The following INF2 variants were observed in gnomAD, a reference collection of about 807,000 sequenced individuals.
INF2 encodes the protein inverted formin 2.
INF2 carries 43 observed loss-of-function variants against 123.5 expected under a neutral mutation model. The ratio of observed to expected loss-of-function variants is 0.35; its 90% CI spans 0.27 to 0.45. The LOEUF is 0.45. Ranked by LOEUF, INF2 falls within the 20% of genes least tolerant of loss-of-function variation. INF2 has a pLI of 1.00. For synonymous variants in INF2, 851 were observed against 745.0 expected, an observed-to-expected ratio of 1.14 and a Z score of -2.32; for missense variants, 1,453 against 1,682.7, an observed-to-expected ratio of 0.86 and a Z score of 2.39.
intron 8 of INF2, 94 bp downstream of exon 8, chr14:104,708,096 C>G: frequency 2.6e-6 from 4 of 1,563,886 alleles, no homozygotes; most frequent in Non-Finnish European, 3.5e-6. Context: ...AACTTGTGTG[C>G]GCGTCCTGCC....
At chr14:104,688,963 G>A (rs1447328450), upstream of INF2, among the ~76,000 whole-genome samples, 1 of 152,230 alleles carries the variant, frequency 6.6e-6, no homozygotes, top group East Asian at 1.9e-4. Context: ...GACAGCAGAG[G>A]GGTGGCAGAG....
rs765727524 is a variant in INF2 at position 104,718,831 on chromosome 14, C to G, written c.*38C>G. On this transcript the variant is annotated 3_prime_UTR_variant, in exon 23 of 23. Transcript: ENST00000392634. Reference sequence around the variant, plus strand: ...AGGCCCAAGGCCAAGTGAGAGAGCCCAGGCCACAGGACATGCTGCCATTCT... The same window carrying G: ...AGGCCCAAGGCCAAGTGAGAGAGCCGAGGCCACAGGACATGCTGCCATTCT... 2.9e-5 allele frequency: 47 copies of G among 1,612,348 alleles called. No individual in the cohort carries two copies. In the African/African-American group the frequency reaches 5.5e-4, roughly 19 times the overall value.
chr14:104,682,300 A>C, intron 1 of INF2, among the ~76,000 whole-genome samples: 1 of 151,814 alleles, frequency 6.6e-6, no homozygotes, highest in Non-Finnish European at 1.5e-5. Context: ...TTAGCGGGGA[A>C]GTGCTGGCCT....
At chr14:104,709,457 C>T in intron 11 of INF2, 74 bp downstream of exon 11, 1 of 1,360,244 alleles carries the variant, frequency 7.4e-7, no homozygotes, top group Non-Finnish European at 1.0e-6. Context: ...CGGGGGCTCC[C>T]AGCAGGGAGA....
chr14:104,707,018 C>T lies in INF2; in HGVS notation c.952C>T (p.Leu318Phe), dbSNP rs1404898036. 6.3e-7 allele frequency: 1 copy of T among 1,590,942 alleles called. No homozygotes were observed. Among genetic ancestry groups the T allele is most frequent in the Admixed American group, 1.7e-5 (1 of 58,880 alleles). Residue 318 changes from leucine (L) to phenylalanine (F), a missense_variant, in exon 7 of 23, where the codon CTC becomes TTC. This residue lies in a region of INF2 where 374 missense variants were observed against 303.7 expected (regional missense o/e 1.23). Coordinates refer to ENST00000392634, the MANE Select transcript of INF2 (RefSeq NM_022489.4). The part of the protein sequence containing the change: ...SQLLWEALES[L>F]VNRAVLLASD... ...GCTGCTCTGGGAGGCCCTGGAGAGC[C>T]TCGTGAACCGGGCCGTGCTCCTGGC...
rs1417311904 is a variant in INF2 at position 104,707,842 on chromosome 14, C to G, written c.1575C>G (p.Thr525=). ...CCCCACCTCCACTACTGCCCTGCACCTGCAGCCCCCCCGTGGCGGGAGGCA... is the reference window on the plus strand; with the variant it reads ...CCCCACCTCCACTACTGCCCTGCACGTGCAGCCCCCCCGTGGCGGGAGGCA... The part of the protein sequence containing the change: ...PPPPPPLLPC[T]CSPPVAGGME... The change falls in exon 8 of 23, where the codon ACC becomes ACG. Residue 525 remains threonine (T), a synonymous_variant. Coordinates refer to ENST00000392634, the MANE Select transcript of INF2 (RefSeq NM_022489.4). 3.1e-6 allele frequency: 5 copies of G among 1,603,528 alleles called. No individual in the cohort carries two copies. Among genetic ancestry groups the G allele is most frequent in the Non-Finnish European group, 4.2e-6 (5 of 1,177,506 alleles).
chr14:104,702,662 C>T (rs1351139302), intron 2 of INF2, among the ~76,000 whole-genome samples: 2 of 152,266 alleles, frequency 1.3e-5, no homozygotes, highest in African/African-American at 4.8e-5. Context: ...CAGCCCGTCT[C>T]CCCAGCCTGG....
upstream of INF2, among the ~76,000 whole-genome samples, chr14:104,688,382 AC>A (rs1412749726): frequency 6.6e-6 from 1 of 152,198 alleles, no homozygotes; most frequent in African/African-American, 2.4e-5. Context: ...GCCAAAGGAC[AC>A]GCAGCTGGCC....
chr14:104,689,119 C>A, upstream of INF2: 1 of 796,200 alleles, frequency 1.3e-6, no homozygotes, highest in Non-Finnish European at 1.5e-6. Context: ...ACATGGGTGG[C>A]CTGGTTGATG....
chr14:104,712,473 C>T lies in INF2; in HGVS notation c.2530C>T (p.Leu844=). The part of the protein sequence containing the change: ...EIIRSEASSN[L]KKLLETERKV... ...CATCCGCTCAGAGGCCAGCTCCAACCTGAAGAAGCTTCTGGAGACCGAGCG... is the reference window on the plus strand; with the variant it reads ...CATCCGCTCAGAGGCCAGCTCCAACTTGAAGAAGCTTCTGGAGACCGAGCG... The change falls in exon 17 of 23, where the codon CTG becomes TTG. Residue 844 remains leucine (L), a synonymous_variant. Transcript: ENST00000392634. The T allele has an allele frequency of 6.2e-7, 1 of 1,612,708 alleles. No homozygotes were observed.
Position 104,703,897 on chromosome 14 carries a change from C to G in INF2, c.668-19C>G, listed in dbSNP as rs1025322239. 5.0e-6 allele frequency: 8 copies of G among 1,610,932 alleles called. No individual in the cohort carries two copies. In the African/African-American group the frequency reaches 9.3e-5, roughly 19 times the overall value. ...GGGAGTGGCCTCCGAACCCTCTGAC[C>G]CTGTCCGTCCCTTCCCAGGGCTGCA... On this transcript the variant is annotated intron_variant, in intron 4 of 22. Coordinates refer to ENST00000392634, the MANE Select transcript of INF2 (RefSeq NM_022489.4).
intron 1 of INF2, among the ~76,000 whole-genome samples, chr14:104,697,946 T>C (rs1248044481): frequency 1.2e-4 from 19 of 152,136 alleles, no homozygotes; most frequent in Non-Finnish European, 1.3e-4. Flanking sequence ...GTCCAAGGCA[T>C]GGGGTCTGGC....
chr14:104,709,180 C>G (rs1889924530), intron 10 of INF2, 101 bp from the exon 11 acceptor site: 1 of 872,012 alleles, frequency 1.1e-6, no homozygotes, highest in African/African-American at 1.7e-5. Context: ...CTGGCCACCC[C>G]ATGACTACGT....
intron 1 of INF2, among the ~76,000 whole-genome samples, chr14:104,683,625 CAG>C (rs1353303929): frequency 7.2e-6 from 1 of 139,238 alleles, no homozygotes; most frequent in Non-Finnish European, 1.5e-5. Context: ...CACACACACA[CAG>C]ACACACACAC....
chr14:104,709,596 C>T (rs1889949042), intron 11 of INF2, 24 bp from the exon 12 acceptor site: 8 of 1,604,446 alleles, frequency 5.0e-6, no homozygotes, highest in Non-Finnish European at 6.8e-6. Flanking sequence ...GGGGGGATCC[C>T]ACATGCCGTT....
chr14:104,716,435 G>T lies in INF2; in HGVS notation c.*1+1095G>T, dbSNP rs1234912336. Among the ~76,000 whole-genome samples the T allele has an allele frequency of 2.0e-5, 3 of 152,240 alleles. No homozygotes were observed. The East Asian group carries it at 5.8e-4, about 29-fold the overall frequency. On this transcript the variant is annotated intron_variant, in intron 22 of 22. Coordinates refer to ENST00000392634, the MANE Select transcript of INF2 (RefSeq NM_022489.4). ...ACCCACGTGTACTTTTTAGAAAGGT[G>T]CTGGCATCTCCCTTAGAGGCTGGAA... is the stretch of plus-strand genomic sequence containing the variant.
chr14:104,706,264 C>T (rs571407458), intron 6 of INF2, 88 bp downstream of exon 6: 37 of 1,368,046 alleles, frequency 2.7e-5, no homozygotes, highest in African/African-American at 2.6e-4. Flanking sequence ...ACGGTCCTCC[C>T]TGCCCTGGTC....
chr14:104,710,020 C>A, intron 12 of INF2, 68 bp from the exon 13 acceptor site: 2 of 1,327,552 alleles, frequency 1.5e-6, no homozygotes, highest in Non-Finnish European at 1.1e-6. Flanking sequence ...GAGCCCTGTG[C>A]TGAGTGCCCC....
chr14:104,711,582 T>G, intron 15 of INF2, 47 bp from the exon 16 acceptor site: 30 of 1,533,058 alleles, frequency 2.0e-5, no homozygotes, highest in African/African-American at 4.1e-5. Context: ...CATCCCCAGG[T>G]GGAGAGTATG....
Sources: allele counts gnomAD v4.1 joint callset (sites outside exome capture counted in the v4.1 genomes callset), GRCh38; gene constraint gnomAD v4.1.1; regional missense constraint gnomAD v4.1.1; transcripts MANE v1.5; gene names NCBI Gene and HGNC (gene_info 2026-07-23, HGNC 2026-07-21).